Variants in CYRIB observed in about 807,000 individuals in gnomAD.
The protein encoded by CYRIB is CYFIP related Rac1 interactor B.
A neutral mutation model predicts 44.2 loss-of-function variants in CYRIB; 8 were observed. That is an observed-to-expected ratio of 0.18 (90% CI 0.11 to 0.33). The LOEUF (loss-of-function observed/expected upper bound fraction) is 0.33, where lower values mean the gene tolerates loss of function less well. CYRIB is among the 10% of genes least tolerant of loss of function. The pLI, the probability that CYRIB is intolerant of heterozygous loss-of-function variation, is 1.00. For missense variants in CYRIB, 185 were observed against 382.8 expected (o/e 0.48, Z 4.31); for synonymous variants, 131 against 127.2 (o/e 1.03, Z -0.20).
chr8:130,007,650 G>C (rs1030440055), intron 1 of CYRIB, among the ~76,000 whole-genome samples: 1 of 152,090 alleles, frequency 6.6e-6, no homozygotes, highest in Non-Finnish European at 1.5e-5. Flanking sequence ...TGGGCGTGGT[G>C]GCACAGGCCT....
chr8:129,969,303 C>T (rs2095605706), intron 2 of CYRIB, among the ~76,000 whole-genome samples: 1 of 152,148 alleles, frequency 6.6e-6, no homozygotes, highest in Admixed American at 6.5e-5. Context: ...CGTGAGCCAC[C>T]GCGGCCGGCC....
chr8:129,957,851 G>T (rs1024849286), intron 2 of CYRIB, among the ~76,000 whole-genome samples: 2 of 151,180 alleles, frequency 1.3e-5, no homozygotes, highest in Non-Finnish European at 2.9e-5. Context: ...TATAGTCCCA[G>T]CTACTTAGGA....
At chr8:129,906,931 A>G (rs933875411) in intron 1 of CYRIB, among the ~76,000 whole-genome samples, 4 of 152,254 alleles carry the variant, frequency 2.6e-5, no homozygotes, top group African/African-American at 9.6e-5. Flanking sequence ...AATGGCAATC[A>G]TTAAAAAGTC....
rs77815425 is a variant in CYRIB, at chr8:129,841,847, A to G, written c.*295T>C. The G allele has an allele frequency of 5.4e-3, 1,433 of 263,280 alleles. 18 individuals carry two copies. Among genetic ancestry groups the G allele is most frequent in the African/African-American group, 0.028 (1,291 of 45,440 alleles). 16.3% of individuals were successfully genotyped at this position (263,280 alleles called of 1,614,324 possible). A position where few individuals can be genotyped will look rare whatever the true frequency, so the allele number is the denominator to read the frequency against. On this transcript the variant is annotated 3_prime_UTR_variant, in exon 12 of 12. Coordinates refer to ENST00000519824, the Ensembl canonical transcript of CYRIB. ...TTAGTTTCAAAAAAAATCCACATTT[A>G]AAAATATTTAGTTCAAGTCACAGAA...
At chr8:129,931,865 G>C (rs2091503904) in intron 1 of CYRIB, among the ~76,000 whole-genome samples, 1 of 152,066 alleles carries the variant, frequency 6.6e-6, no homozygotes. Context: ...GGCCTCAAGT[G>C]ATTTGTCCAC....
At chr8:129,953,412 C>T (rs2131401305) in intron 2 of CYRIB, among the ~76,000 whole-genome samples, 1 of 152,290 alleles carries the variant, frequency 6.6e-6, no homozygotes, top group Admixed American at 6.5e-5. Flanking sequence ...ATGCCTAGAG[C>T]CCCCAGGTAT....
At chr8:129,984,103 C>T (rs775880905) in intron 1 of CYRIB, among the ~76,000 whole-genome samples, 2 of 152,212 alleles carry the variant, frequency 1.3e-5, no homozygotes, top group African/African-American at 2.4e-5. Flanking sequence ...CCTGCTGAGC[C>T]GCCAAGGCGG....
chr8:129,987,262 C>A (rs1286077797), intron 1 of CYRIB, among the ~76,000 whole-genome samples: 3 of 152,196 alleles, frequency 2.0e-5, no homozygotes, highest in Non-Finnish European at 2.9e-5. Context: ...TGACTTGACA[C>A]AATAAATGAT....
intron 11 of CYRIB, 73 bp downstream of exon 13, chr8:129,846,731 T>C (rs2040235888): frequency 1.0e-6 from 1 of 995,324 alleles, no homozygotes; most frequent in Non-Finnish European, 1.5e-6. Flanking sequence ...ACTTAATGCA[T>C]TTTCTTTACA....
chr8:129,966,695 A>G (rs2095492102), intron 2 of CYRIB, among the ~76,000 whole-genome samples: 1 of 152,082 alleles, frequency 6.6e-6, no homozygotes, highest in Non-Finnish European at 1.5e-5. Flanking sequence ...ATTTTACTTT[A>G]TTTTTAAATT....
intron 2 of CYRIB, among the ~76,000 whole-genome samples, chr8:129,962,996 T>C (rs896610832): frequency 1.3e-5 from 2 of 152,140 alleles, no homozygotes; most frequent in South Asian, 2.1e-4. Flanking sequence ...GAGCGTCGCA[T>C]TTGCCTGCCA....
intron 1 of CYRIB, among the ~76,000 whole-genome samples, chr8:130,000,720 T>C (rs1173798452): frequency 6.6e-6 from 1 of 151,188 alleles, no homozygotes; most frequent in Admixed American, 6.6e-5. Flanking sequence ...AATAAATATG[T>C]CAATTTAAAT....
chr8:129,853,406 GC>G (rs566770189), intron 7 of CYRIB, among the ~76,000 whole-genome samples: 31 of 152,264 alleles, frequency 2.0e-4, no homozygotes, highest in Admixed American at 3.9e-4. Flanking sequence ...GTGCCTTAGT[GC>G]AAGTGCTTCC....
intron 1 of CYRIB, among the ~76,000 whole-genome samples, chr8:130,012,586 G>A (rs148878715): frequency 5.2e-4 from 79 of 152,240 alleles, no homozygotes; most frequent in Non-Finnish European, 9.1e-4. Context: ...TGGGTTGATC[G>A]TCACAGCAAC....
chr8:129,876,715 C>A (rs1444566852), intron 3 of CYRIB, among the ~76,000 whole-genome samples: 1 of 151,694 alleles, frequency 6.6e-6, no homozygotes, highest in Non-Finnish European at 1.5e-5. Flanking sequence ...TCTGTAGTCA[C>A]CCAACTGCAG....
At chr8:129,979,801 A>G (rs2096130814) in intron 1 of CYRIB, among the ~76,000 whole-genome samples, 2 of 152,132 alleles carry the variant, frequency 1.3e-5, no homozygotes, top group South Asian at 2.1e-4. Flanking sequence ...GGCACCTATA[A>G]TCCCAGCTAT....
upstream of CYRIB, among the ~76,000 whole-genome samples, chr8:129,943,947 A>G (rs2093952649): frequency 6.8e-6 from 1 of 147,118 alleles, no homozygotes; most frequent in Non-Finnish European, 1.5e-5. Flanking sequence ...GAGACCTCTT[A>G]GCTTGGTCTT....
chr8:129,842,393 G>A (rs1207353245), intron 11 of CYRIB, among the ~76,000 whole-genome samples, 188 bp from the exon 14 acceptor site: 1 of 152,136 alleles, frequency 6.6e-6, no homozygotes, highest in Admixed American at 6.5e-5. Context: ...TAACTGAATA[G>A]CCAGTAGCTA....
chr8:129,998,129 A>C (rs1482742757), intron 1 of CYRIB, among the ~76,000 whole-genome samples: 4 of 151,470 alleles, frequency 2.6e-5, no homozygotes, highest in East Asian at 1.9e-4. Flanking sequence ...CAAAAAAAAA[A>C]AAAAAAAAAC....
Sources: allele counts gnomAD v4.1 joint callset (sites outside exome capture counted in the v4.1 genomes callset), GRCh38; gene constraint gnomAD v4.1.1; transcripts MANE v1.5; gene names NCBI Gene and HGNC (gene_info 2026-07-23, HGNC 2026-07-21).